Variants in TMEM132D observed in about 807,000 individuals in gnomAD.
The protein encoded by TMEM132D is transmembrane protein 132D, also known as mature OL transmembrane protein.
In TMEM132D, 21 loss-of-function variants were observed where a neutral mutation model predicts 62.3. That is an observed-to-expected ratio of 0.34 (90% CI 0.24 to 0.49). The LOEUF is 0.49. TMEM132D is among the 20% of genes least tolerant of loss of function. The pLI is 0.99. For synonymous variants in TMEM132D, 621 were observed against 575.6 expected (o/e 1.08, Z -1.13); for missense variants, 1,346 against 1,402.8 (o/e 0.96, Z 0.65).
intron 1 of TMEM132D, among the ~76,000 whole-genome samples, chr12:129,874,252 A>C (rs1366027731): frequency 6.6e-6 from 1 of 152,188 alleles, no homozygotes; most frequent in Non-Finnish European, 1.5e-5. Context: ...GCAAAACATG[A>C]TGACGTACAC....
In TMEM132D at chr12:129,708,631, A is replaced by AAAAC. The variant is rs1491276884; in HGVS notation, c.80-7934_80-7933insGTTT. ...CAGGTAAAAAAAAAAAAAAAAAAAA[A>AAAAC]CACACACACACACACACACACACAC... On this transcript the variant is annotated intron_variant, in intron 1 of 8. Transcript: ENST00000422113. 1.4e-4 allele frequency among the ~76,000 whole-genome samples: 10 copies of AAAAC among 70,874 alleles called. 1 individual carries two copies. Among genetic ancestry groups the AAAAC allele is most frequent in the African/African-American group, 5.6e-4 (10 of 17,946 alleles). The allele number at this position is 70,874 out of a possible 152,430, so 46.5% of individuals were successfully genotyped here.
At chr12:129,219,169 G>C (rs1404468266) in intron 4 of TMEM132D, among the ~76,000 whole-genome samples, 69 of 152,178 alleles carry the variant, frequency 4.5e-4, no homozygotes, top group Non-Finnish European at 1.5e-5. Flanking sequence ...TAATCTCCAT[G>C]TGTCATGGGA....
chr12:129,591,730 G>A (rs999772336), intron 2 of TMEM132D, among the ~76,000 whole-genome samples: 2 of 151,898 alleles, frequency 1.3e-5, no homozygotes, highest in Non-Finnish European at 2.9e-5. Context: ...CCTCTAATGA[G>A]GGGGATTATT....
chr12:129,579,138 GA>G (rs1877769016), intron 2 of TMEM132D, among the ~76,000 whole-genome samples: 1 of 152,108 alleles, frequency 6.6e-6, no homozygotes, highest in African/African-American at 2.4e-5. Flanking sequence ...TTTTCCAAGG[GA>G]AAAATGCTTT....
rs1319910379 is a variant in TMEM132D, at chr12:129,656,546, T to C, written c.968+43264A>G. Among the ~76,000 whole-genome samples, 4 of 152,130 alleles carry C rather than the reference T, an allele frequency of 2.6e-5. No homozygotes were observed. In the East Asian group the frequency reaches 5.8e-4, roughly 22 times the overall value. ...CCTCATAGTCTGTTTTTTACACCTA[T>C]ACTAGGTGTGGTAAAGCATGACTCT... is the stretch of plus-strand genomic sequence containing the variant. On this transcript the variant is annotated intron_variant, in intron 2 of 8. Coordinates refer to ENST00000422113, the MANE Select transcript of TMEM132D (RefSeq NM_133448.3).
intron 4 of TMEM132D, among the ~76,000 whole-genome samples, chr12:129,259,523 G>A (rs77660190): frequency 0.025 from 3,825 of 152,284 alleles, 160 homozygotes; most frequent in African/African-American, 0.087. Flanking sequence ...TATCTTCCCT[G>A]TAGTGCTGGG....
chr12:129,175,494 T>C (rs1315467043), intron 5 of TMEM132D, among the ~76,000 whole-genome samples: 1 of 152,174 alleles, frequency 6.6e-6, no homozygotes, highest in Admixed American at 6.5e-5. Flanking sequence ...CCAAATCATG[T>C]AAAGTTCTTA....
chr12:129,455,600 C>G (rs920202421), intron 3 of TMEM132D, among the ~76,000 whole-genome samples: 1 of 152,264 alleles, frequency 6.6e-6, no homozygotes, highest in Admixed American at 6.5e-5. Context: ...CACCATTTCA[C>G]TGGGTATTGT....
chr12:129,217,960 G>A (rs1004316867), intron 4 of TMEM132D, among the ~76,000 whole-genome samples: 24 of 152,076 alleles, frequency 1.6e-4, no homozygotes, highest in Non-Finnish European at 3.4e-4. Context: ...GCACAATAAC[G>A]CTCTCCCCTG....
At chr12:129,246,108 A>G (rs1042234257) in intron 4 of TMEM132D, among the ~76,000 whole-genome samples, 2 of 151,852 alleles carry the variant, frequency 1.3e-5, no homozygotes, top group Non-Finnish European at 2.9e-5. Context: ...TTCCTATCAC[A>G]AAGTAAGTCT....
chr12:129,723,395 C>T (rs1315138384), intron 1 of TMEM132D, among the ~76,000 whole-genome samples: 1 of 152,222 alleles, frequency 6.6e-6, no homozygotes, highest in Non-Finnish European at 1.5e-5. Context: ...CCGCCCTGCT[C>T]TGCACCCAGG....
At chr12:129,525,226 G>GGTTTTTTTTTTTTTTTTTTT (rs1336461549) in intron 3 of TMEM132D, among the ~76,000 whole-genome samples, 1 of 67,392 alleles carries the variant, frequency 1.5e-5, no homozygotes, top group Non-Finnish European at 2.9e-5. Context: ...TGCCCAGCCG[G>GGTTTTTTTTTTTTTTTTTTT]TTTTTTTTTT....
At chr12:129,609,606 G>A (rs1171609037) in intron 2 of TMEM132D, among the ~76,000 whole-genome samples, 1 of 152,132 alleles carries the variant, frequency 6.6e-6, no homozygotes, top group Non-Finnish European at 1.5e-5. Context: ...TGCAAATGCT[G>A]GGCTGGCAGG....
intron 4 of TMEM132D, among the ~76,000 whole-genome samples, chr12:129,333,165 T>C (rs895576817): frequency 2.0e-5 from 3 of 152,208 alleles, no homozygotes; most frequent in African/African-American, 7.2e-5. Flanking sequence ...CATTGAGATA[T>C]AAGTTTTGCT....
At chr12:129,204,581 A>T (rs1190838090) in intron 5 of TMEM132D, among the ~76,000 whole-genome samples, 1 of 152,254 alleles carries the variant, frequency 6.6e-6, no homozygotes, top group African/African-American at 2.4e-5. Flanking sequence ...ACAGGAAGAA[A>T]GCAAGCAACT....
rs144003789 is a variant in TMEM132D at position 129,343,724 on chromosome 12, C to T, written c.1116-5907G>A. ...GTCAGGAGTTCAAGACCAGCCTGGC[C>T]AACATGGTGAAGCCTCATCTCTTAA... is the stretch of plus-strand genomic sequence containing the variant. On this transcript the variant is annotated intron_variant, in intron 3 of 8. Coordinates refer to ENST00000422113, the MANE Select transcript of TMEM132D (RefSeq NM_133448.3). 4.3e-3 allele frequency among the ~76,000 whole-genome samples: 596 copies of T among 139,136 alleles called. 1 individual carries two copies. Among genetic ancestry groups the T allele is most frequent in the African/African-American group, 0.015 (547 of 37,314 alleles). The allele number at this position is 139,136 out of a possible 152,430, so 91.3% of individuals were successfully genotyped here. A position where few individuals can be genotyped will look rare whatever the true frequency, so the allele number is the denominator to read the frequency against.
intron 5 of TMEM132D, among the ~76,000 whole-genome samples, chr12:129,165,597 CAT>C (rs1373606307): frequency 2.6e-5 from 4 of 152,112 alleles, no homozygotes; most frequent in Non-Finnish European, 5.9e-5. Context: ...CCACTCTCCA[CAT>C]GTGTTCTCCC....
chr12:129,599,751 C>A (rs1483437560), intron 2 of TMEM132D, among the ~76,000 whole-genome samples: 1 of 152,186 alleles, frequency 6.6e-6, no homozygotes, highest in Non-Finnish European at 1.5e-5. Flanking sequence ...ATACAAGTTA[C>A]ATTTACACAA....
intron 4 of TMEM132D, among the ~76,000 whole-genome samples, chr12:129,263,704 T>C (rs1381634109): frequency 3.3e-5 from 5 of 152,070 alleles, no homozygotes; most frequent in Admixed American, 3.3e-4. Context: ...TGGGGATGTG[T>C]GGCTACTGAG....
Sources: gnomAD v4.1 joint callset for allele counts (sites outside exome capture counted in the v4.1 genomes callset) on GRCh38, gnomAD v4.1.1 for gene constraint, MANE v1.5 for transcripts, NCBI Gene and HGNC (gene_info 2026-07-23, HGNC 2026-07-21) for gene names.